DGLUCY: variants seen among roughly 807,000 people sequenced by gnomAD.
The protein encoded by DGLUCY is D-glutamate cyclase, mitochondrial.
Under a neutral mutation model 58.5 loss-of-function variants are expected in DGLUCY, and 58 were observed. The ratio of observed to expected loss-of-function variants is 0.99; its 90% CI spans 0.80 to 1.23. DGLUCY has a LOEUF of 1.23. Among genes scored for constraint, DGLUCY ranks in the 50% most tolerant of loss-of-function variants. The pLI, the probability that DGLUCY is intolerant of heterozygous loss-of-function variation, is 0.00. For synonymous variants in DGLUCY, 325 were observed against 314.1 expected (o/e 1.03, Z -0.37); for missense variants, 779 against 784.7 (o/e 0.99, Z 0.09).
At chr14:91,168,282 A>T (rs2048389555) in intron 4 of DGLUCY, among the ~76,000 whole-genome samples, 1 of 151,520 alleles carries the variant, frequency 6.6e-6, no homozygotes, top group South Asian at 2.1e-4. Context: ...ATATATATAA[A>T]ATAAAATAAA....
chr14:91,126,428 G>C (rs76554363), intron 1 of DGLUCY: 4,116 of 215,640 alleles, frequency 0.019, 56 homozygotes, highest in Non-Finnish European at 0.023. Flanking sequence ...ATGTGTTGGG[G>C]TGTGCTCAGA....
At chr14:91,216,798 G>A (rs114514305) in intron 13 of DGLUCY, among the ~76,000 whole-genome samples, 2,045 of 152,316 alleles carry the variant, frequency 0.013, 42 homozygotes, top group African/African-American at 0.046. Context: ...GCTCCGAAGT[G>A]TTGTTTGCAG....
upstream of DGLUCY, among the ~76,000 whole-genome samples, chr14:91,113,047 A>G (rs1253932327): frequency 6.7e-6 from 1 of 150,118 alleles, no homozygotes; most frequent in Non-Finnish European, 1.5e-5. Flanking sequence ...CATGCCTGTA[A>G]TCCCAGCACT....
chr14:91,200,799 CTGTT>C (rs1473786822), intron 11 of DGLUCY, among the ~76,000 whole-genome samples: 1 of 152,092 alleles, frequency 6.6e-6, no homozygotes, highest in Non-Finnish European at 1.5e-5. Flanking sequence ...GAGCAACAGG[CTGTT>C]TATTTCACCT....
chr14:91,161,129 G>A (rs879668876), intron 3 of DGLUCY, among the ~76,000 whole-genome samples: 7 of 152,220 alleles, frequency 4.6e-5, no homozygotes, highest in Admixed American at 1.3e-4. Context: ...GCAGTGATGC[G>A]ATCTGGGCTC....
chr14:91,074,609 C>T (rs1490420107), intron 1 of DGLUCY, among the ~76,000 whole-genome samples: 1 of 152,080 alleles, frequency 6.6e-6, no homozygotes, highest in Admixed American at 6.6e-5. Flanking sequence ...TATTCTTAAC[C>T]ATAATTAAGT....
At chr14:91,106,578 G>A (rs149543783), upstream of DGLUCY, among the ~76,000 whole-genome samples, 11 of 152,052 alleles carry the variant, frequency 7.2e-5, no homozygotes, top group African/African-American at 2.7e-4. Context: ...ATGGTGATGT[G>A]CACCTGTAAT....
In DGLUCY at chr14:91,086,452, C is replaced by T. The variant is rs567152185; in HGVS notation, c.-82+25748C>T. On this transcript the variant is annotated intron_variant, in intron 1 of 4. Coordinates refer to the DGLUCY transcript ENST00000521334. The stretch of plus-strand genomic sequence containing the variant: ...TGACCTATGCATATCCCACTGTATA[C>T]TTTAAGTCATTTCTAGATTACTTAT... 4.5e-4 allele frequency among the ~76,000 whole-genome samples: 68 copies of T among 152,076 alleles called. 1 individual carries two copies. Among genetic ancestry groups the T allele is most frequent in the Non-Finnish European group, 7.1e-4 (48 of 68,036 alleles).
At chr14:91,200,198 A>G (rs1595902028) in intron 11 of DGLUCY, among the ~76,000 whole-genome samples, 1 of 152,060 alleles carries the variant, frequency 6.6e-6, no homozygotes, top group African/African-American at 2.4e-5. Flanking sequence ...CAAGTGATCT[A>G]CCCACCTCAG....
rs753588534 is a variant in DGLUCY at position 91,181,329 on chromosome 14, G to A, written c.874G>A (p.Ala292Thr). 1.2e-5 allele frequency: 20 copies of A among 1,614,114 alleles called. 1 individual carries two copies. The highest frequency in any genetic ancestry group is 3.3e-4 in the Middle Eastern group (2 of 6,062). Residue 292 changes from alanine to threonine, a missense_variant, in exon 8 of 14, where the codon GCG becomes ACG. Physicochemically the swap from Ala to Thr is moderately conservative, Grantham distance 58 (BLOSUM62 0). Coordinates refer to ENST00000256324, the MANE Select transcript of DGLUCY (RefSeq NM_001102368.3). ...CCAAGATCCTCTGCACTACAGCATC[G>A]CGTCAGTCTCTGCTTCTCAGAAGAT... The part of the protein sequence containing the change: ...ISQDPLHYSI[A>T]SVSASQKIRE...
intron 7 of DGLUCY, among the ~76,000 whole-genome samples, chr14:91,177,905 T>C (rs1486950501): frequency 6.6e-6 from 1 of 152,266 alleles, no homozygotes; most frequent in Non-Finnish European, 1.5e-5. Flanking sequence ...TGGAGTCCTC[T>C]GGGCGCTCAT....
chr14:91,090,225 G>T, intron 1 of DGLUCY, among the ~76,000 whole-genome samples: 1 of 152,002 alleles, frequency 6.6e-6, no homozygotes, highest in East Asian at 1.9e-4. Context: ...AGGTTCTTAT[G>T]GGGGAACCCC....
Position 91,062,583 on chromosome 14 carries a change from A to G in DGLUCY, c.-82+1879A>G, listed in dbSNP as rs2043740853. Among the ~76,000 whole-genome samples the G allele has an allele frequency of 9.1e-5, 2 of 21,940 alleles. 1 individual carries two copies. The highest frequency in any genetic ancestry group is 2.7e-4 in the African/African-American group (2 of 7,410). The allele number at this position is 21,940 out of a possible 152,430, so 14.4% of individuals were successfully genotyped here. On this transcript the variant is annotated intron_variant, in intron 1 of 4. Transcript: ENST00000521334. ...AATATATATATATATATATATATAT[A>G]TATATATATATATATATATATATAT... is the stretch of plus-strand genomic sequence containing the variant.
intron 1 of DGLUCY, among the ~76,000 whole-genome samples, chr14:91,089,536 G>C (rs1019253718): frequency 6.6e-6 from 1 of 152,072 alleles, no homozygotes; most frequent in African/African-American, 2.4e-5. Flanking sequence ...AGAATGAAAG[G>C]GGTGGCCGGG....
At chr14:91,112,725 TA>T (rs1298618910), upstream of DGLUCY, among the ~76,000 whole-genome samples, 7 of 145,020 alleles carry the variant, frequency 4.8e-5, no homozygotes, top group Non-Finnish European at 6.1e-5. Context: ...ATGAACAAAT[TA>T]AAAAAAAAAT....
At chr14:91,123,118 A>T (rs1236786535) in intron 1 of DGLUCY, among the ~76,000 whole-genome samples, 1 of 152,152 alleles carries the variant, frequency 6.6e-6, no homozygotes, top group Admixed American at 6.6e-5. Context: ...GGCCCACACC[A>T]CCTTAGTTAC....
chr14:91,194,454 T>C (rs2050086146), intron 9 of DGLUCY, among the ~76,000 whole-genome samples: 1 of 151,804 alleles, frequency 6.6e-6, no homozygotes, highest in African/African-American at 2.4e-5. Context: ...TCTGTGAGCA[T>C]CACGATGACT....
intron 1 of DGLUCY, among the ~76,000 whole-genome samples, chr14:91,095,056 C>G (rs916206652): frequency 6.6e-6 from 1 of 152,160 alleles, no homozygotes; most frequent in East Asian, 1.9e-4. Context: ...AAAACTCTAG[C>G]CGTCTCCTCT....
chr14:91,142,917 C>T (rs909492998), intron 1 of DGLUCY, among the ~76,000 whole-genome samples: 2 of 146,842 alleles, frequency 1.4e-5, no homozygotes, highest in African/African-American at 5.0e-5. Context: ...GTAGTCCCAA[C>T]TACTCAGGAG....
Sources: gnomAD v4.1 joint callset for allele counts (sites outside exome capture counted in the v4.1 genomes callset) on GRCh38, gnomAD v4.1.1 for gene constraint, MANE v1.5 for transcripts, NCBI Gene and HGNC (gene_info 2026-07-23, HGNC 2026-07-21) for gene names.